PTDSS1: variants seen among roughly 807,000 people sequenced by gnomAD.
PTDSS1 encodes PSS-1.
A neutral mutation model predicts 70.5 loss-of-function variants in PTDSS1; 45 were observed. The observed-to-expected ratio is 0.64, with a 90% confidence interval of 0.50 to 0.82. The LOEUF (loss-of-function observed/expected upper bound fraction) is 0.82, where lower values mean the gene tolerates loss of function less well. Ranked by LOEUF, PTDSS1 falls within the 40% of genes least tolerant of loss-of-function variation. PTDSS1 has a pLI of 0.00. For missense variants in PTDSS1, 417 were observed against 586.1 expected, an observed-to-expected ratio of 0.71 and a Z score of 2.98; for synonymous variants, 188 against 203.8, an observed-to-expected ratio of 0.92 and a Z score of 0.66.
At chr8:96,287,492 T>A (rs1810840571) in intron 4 of PTDSS1, 1 of 234,408 alleles carries the variant, frequency 4.3e-6, no homozygotes, top group Admixed American at 5.4e-5. Context: ...ATAGTAATAC[T>A]TACTTGGGGG....
intron 4 of PTDSS1, 79 bp downstream of exon 4, chr8:96,287,225 A>G (rs1810836138): frequency 6.5e-7 from 1 of 1,532,102 alleles, no homozygotes; most frequent in African/African-American, 1.4e-5. Context: ...TTGACATTTT[A>G]AATTGTTCCT....
Position 96,327,368 on chromosome 8 carries a change from T to C in PTDSS1, c.1174-2845T>C, listed in dbSNP as rs77838274. On this transcript the variant is annotated intron_variant, in intron 10 of 12. Transcript: ENST00000517309. ...CTGATTAGACTTACAGGATGAGACA[T>C]GAGAGAGGGACGTCGCCCGAAAAGA... Among the ~76,000 whole-genome samples the C allele has an allele frequency of 1.9e-3, 288 of 152,160 alleles. 2 individuals carry two copies. The East Asian group carries it at 0.033, about 18-fold the overall frequency.
At position 96,287,118 on chromosome 8, in the gene PTDSS1, G is replaced by A. The variant is rs747493340; in HGVS notation, c.413G>A (p.Arg138Gln). Residue 138 changes from arginine (R) to glutamine (Q), a missense_variant, in exon 4 of 13, where the codon CGA (arginine) becomes CAA (glutamine). Physicochemically the swap from Arg to Gln is conservative, Grantham distance 43. This residue lies in a region of PTDSS1 where 272 missense variants were observed against 429.5 expected (regional missense o/e 0.63). Transcript: ENST00000517309. ...ATGTATTGGCTAGATCCAAATCTTC[G>A]ATACGCCACAAGGGAAGCAGATGTC... ...SLMYWLDPNL[R>Q]YATREADVME... 10 of 1,614,112 alleles carry A rather than the reference G, an allele frequency of 6.2e-6. No individual in the cohort carries two copies. The highest frequency in any genetic ancestry group is 2.2e-5 in the South Asian group (2 of 91,078).
At chr8:96,282,306 A>G (rs1207937417) in intron 2 of PTDSS1, among the ~76,000 whole-genome samples, 1 of 152,210 alleles carries the variant, frequency 6.6e-6, no homozygotes, top group Non-Finnish European at 1.5e-5. Context: ...TTTCCCAATG[A>G]CTTGACAAAA....
chr8:96,317,174 G>A (rs1031288123), intron 9 of PTDSS1, among the ~76,000 whole-genome samples: 3 of 151,778 alleles, frequency 2.0e-5, no homozygotes, highest in African/African-American at 4.8e-5. Flanking sequence ...CCAAGCCTAC[G>A]GGTGGCCTTC....
chr8:96,326,353 G>C (rs765702983), intron 10 of PTDSS1, among the ~76,000 whole-genome samples: 20 of 150,576 alleles, frequency 1.3e-4, no homozygotes, highest in Non-Finnish European at 2.8e-4. Context: ...TCTAACCCCA[G>C]TGCAGTGGAA....
chr8:96,327,776 C>G (rs6468500), intron 10 of PTDSS1, among the ~76,000 whole-genome samples: 70,717 of 151,980 alleles, frequency 0.47, 17,100 homozygotes, highest in African/African-American at 0.5. Context: ...CTGCGCCCTC[C>G]TTGCCGCCAG....
Position 96,306,433 on chromosome 8 carries a change from G to A in PTDSS1, c.895-11G>A, listed in dbSNP as rs377030163. 5.1e-5 allele frequency: 81 copies of A among 1,603,252 alleles called. No individual in the cohort carries two copies. Among genetic ancestry groups the A allele is most frequent in the East Asian group, 2.7e-4 (12 of 44,794 alleles). ...AGGTACCAGGTTGACTAATTTCTCC[G>A]TCTTTTTCAGCTGACTGAGTTGAAT... On this transcript the variant is annotated splice_polypyrimidine_tract_variant and intron_variant, in intron 7 of 12. Transcript: ENST00000517309.
chr8:96,267,938 G>A (rs1016964570), intron 1 of PTDSS1, among the ~76,000 whole-genome samples: 1 of 152,160 alleles, frequency 6.6e-6, no homozygotes, highest in African/African-American at 2.4e-5. Flanking sequence ...CCATTTGGAT[G>A]GTTCCCTTCC....
chr8:96,266,934 A>C (rs1462268459), intron 1 of PTDSS1, among the ~76,000 whole-genome samples: 2 of 152,178 alleles, frequency 1.3e-5, no homozygotes, highest in African/African-American at 4.8e-5. Flanking sequence ...GGTCTACTGC[A>C]GTGAATGGGC....
chr8:96,325,401 C>T (rs1053993592), intron 10 of PTDSS1, among the ~76,000 whole-genome samples: 3 of 152,168 alleles, frequency 2.0e-5, no homozygotes, highest in Non-Finnish European at 4.4e-5. Context: ...GAGCAACAGA[C>T]ATGCTGGGGG....
chr8:96,316,061 TG>T (rs1360508082), intron 9 of PTDSS1, among the ~76,000 whole-genome samples: 1 of 152,152 alleles, frequency 6.6e-6, no homozygotes, highest in Non-Finnish European at 1.5e-5. Context: ...GGAAGGGTGC[TG>T]TTGATTGGAA....
intron 12 of PTDSS1, 78 bp downstream of exon 12, chr8:96,331,173 G>GAT: frequency 7.3e-7 from 1 of 1,370,290 alleles, no homozygotes. Context: ...TTTGAGTGGA[G>GAT]ATGATATAAG....
intron 12 of PTDSS1, among the ~76,000 whole-genome samples, chr8:96,331,436 G>C (rs141526457): frequency 6.6e-4 from 101 of 152,184 alleles, no homozygotes; most frequent in African/African-American, 2.3e-3. Flanking sequence ...CGCTGAGCCA[G>C]GAGAATCGCA....
At chr8:96,267,712 G>C (rs2129989567) in intron 1 of PTDSS1, among the ~76,000 whole-genome samples, 1 of 152,286 alleles carries the variant, frequency 6.6e-6, no homozygotes, top group Middle Eastern at 3.4e-3. Context: ...CTATAGGAAA[G>C]TACTAGCTGG....
intron 2 of PTDSS1, 116 bp from the exon 3 acceptor site, chr8:96,283,993 T>A: frequency 3.9e-6 from 3 of 766,430 alleles, no homozygotes; most frequent in East Asian, 3.0e-5. Flanking sequence ...AAAAAAAAAC[T>A]TTTAACAGTA....
intron 4 of PTDSS1, 60 bp downstream of exon 4, chr8:96,287,206 G>T: frequency 4.5e-6 from 7 of 1,568,224 alleles, no homozygotes; most frequent in Non-Finnish European, 6.1e-6. Flanking sequence ...GGTGTAAGAG[G>T]TAATAGACTT....
intron 4 of PTDSS1, among the ~76,000 whole-genome samples, chr8:96,287,617 G>A (rs1009730252): frequency 2.0e-5 from 3 of 152,010 alleles, no homozygotes; most frequent in African/African-American, 4.8e-5. Flanking sequence ...GGCTGCCCCT[G>A]CACCTGTCAA....
chr8:96,309,929 G>A (rs927341675), intron 9 of PTDSS1, among the ~76,000 whole-genome samples: 26 of 152,026 alleles, frequency 1.7e-4, no homozygotes, highest in African/African-American at 5.8e-4. Context: ...TTGGGAGCCC[G>A]AGGTGGGCGG....
Sources: allele counts gnomAD v4.1 joint callset (sites outside exome capture counted in the v4.1 genomes callset), GRCh38; gene constraint gnomAD v4.1.1; regional missense constraint gnomAD v4.1.1; transcripts MANE v1.5; gene names NCBI Gene and HGNC (gene_info 2026-07-23, HGNC 2026-07-21).